Variants in TMPRSS4 observed in about 807,000 individuals in gnomAD.
TMPRSS4 encodes the protein transmembrane serine protease 4, also known as transmembrane protease serine 4.
Under a neutral mutation model 56.4 loss-of-function variants are expected in TMPRSS4, and 45 were observed. That is an observed-to-expected ratio of 0.80 (90% CI 0.63 to 1.02). The LOEUF (loss-of-function observed/expected upper bound fraction) is 1.02. Ranked by LOEUF, TMPRSS4 falls within the 50% of genes least tolerant of loss-of-function variation. The pLI is 0.00. For missense variants in TMPRSS4, 546 were observed against 556.7 expected (o/e 0.98, Z 0.19); for synonymous variants, 205 against 211.0 (o/e 0.97, Z 0.25).
Position 118,094,796 on chromosome 11 carries a change from A to G in TMPRSS4, c.4-20A>G. ...CCTGAGAGGCTCCCTGCCTCAACTC[A>G]CTGACTGTTTTTCCTTCAATTACAG... On this transcript the variant is annotated intron_variant, in intron 1 of 12. Coordinates refer to ENST00000437212, the MANE Select transcript of TMPRSS4 (RefSeq NM_019894.4). 6.2e-7 allele frequency: 1 copy of G among 1,608,550 alleles called. No individual in the cohort carries two copies. Among genetic ancestry groups the G allele is most frequent in the African/African-American group, 1.3e-5 (1 of 74,998 alleles).
At chr11:118,090,821 AACACAC>A (rs375243175) in intron 1 of TMPRSS4, among the ~76,000 whole-genome samples, 9 of 140,342 alleles carry the variant, frequency 6.4e-5, no homozygotes, top group Admixed American at 2.8e-4. Context: ...CACACACACA[AACACAC>A]ACACACACAC....
chr11:118,098,366 GA>G (rs1290869587), intron 2 of TMPRSS4, among the ~76,000 whole-genome samples: 3 of 152,218 alleles, frequency 2.0e-5, no homozygotes, highest in Non-Finnish European at 4.4e-5. Flanking sequence ...TACCTTTGAA[GA>G]TGTCTCTATT....
chr11:118,099,415 GGAGAAAAAAACAGA>G (rs1946602524), intron 3 of TMPRSS4, among the ~76,000 whole-genome samples: 1 of 146,294 alleles, frequency 6.8e-6, no homozygotes, highest in African/African-American at 2.5e-5. Flanking sequence ...AGGAATTTGA[GGAGAAAAAAACAGA>G]GAGAGAAAAA....
At chr11:118,099,796 C>A (rs1242679057) in intron 3 of TMPRSS4, among the ~76,000 whole-genome samples, 2 of 152,226 alleles carry the variant, frequency 1.3e-5, no homozygotes, top group East Asian at 3.9e-4. Flanking sequence ...AGGGAAGACC[C>A]CCCAGGCAGT....
rs1423463443 is a variant in TMPRSS4 at position 118,119,998 on chromosome 11, CT to C, written c.*2086del. 8.5e-5 allele frequency: 13 copies of C among 152,238 alleles called. No homozygotes were observed. Among genetic ancestry groups the C allele is most frequent in the African/African-American group, 3.1e-4 (13 of 41,450 alleles). 9.4% of individuals were successfully genotyped at this position (152,238 alleles called of 1,614,324 possible). ...GAAACTCAGTACCCATCAAACAACT[CT>C]CCATTTCCCCCTCCTCCCAATCTCT... On this transcript the variant is annotated 3_prime_UTR_variant, in exon 13 of 13. Coordinates refer to ENST00000437212, the MANE Select transcript of TMPRSS4 (RefSeq NM_019894.4).
Position 118,118,458 on chromosome 11 carries a change from T to C in TMPRSS4, c.*545T>C. ...AAAGAGCTGTGTAACATCTCTGGCATAGGCTAGCTGGAATGCTTGATAAGA... is the reference window on the plus strand; with the variant it reads ...AAAGAGCTGTGTAACATCTCTGGCACAGGCTAGCTGGAATGCTTGATAAGA... On this transcript the variant is annotated 3_prime_UTR_variant, in exon 13 of 13. Transcript: ENST00000437212. 1.5e-5 allele frequency: 15 copies of C among 986,518 alleles called. No homozygotes were observed. Among genetic ancestry groups the C allele is most frequent in the Non-Finnish European group, 1.8e-5 (15 of 830,744 alleles). 61.1% of individuals were successfully genotyped at this position (986,518 alleles called of 1,614,324 possible). A position where few individuals can be genotyped will look rare whatever the true frequency, so the allele number is the denominator to read the frequency against.
At chr11:118,098,513 T>C (rs1436689254) in intron 2 of TMPRSS4, among the ~76,000 whole-genome samples, 1 of 152,264 alleles carries the variant, frequency 6.6e-6, no homozygotes, top group African/African-American at 2.4e-5. Context: ...GATTCACAAG[T>C]ATTTATTAAG....
At chr11:118,108,633 A>T in intron 6 of TMPRSS4, 1 of 577,456 alleles carries the variant, frequency 1.7e-6, no homozygotes, top group Non-Finnish European at 3.1e-6. Context: ...CCCAGCACAC[A>T]GTAGGTACTC....
intron 8 of TMPRSS4, among the ~76,000 whole-genome samples, chr11:118,112,317 C>A (rs942564418): frequency 6.7e-6 from 1 of 149,712 alleles, no homozygotes; most frequent in African/African-American, 2.5e-5. Context: ...GCATAGGTTC[C>A]TTTCAGTCCA....
At chr11:118,115,384 A>C in intron 11 of TMPRSS4, 104 bp downstream of exon 11, 2 of 1,387,450 alleles carry the variant, frequency 1.4e-6, no homozygotes, top group Non-Finnish European at 2.0e-6. Context: ...CTTGCATATC[A>C]TGGGCACTCA....
chr11:118,112,478 C>T (rs899306203), intron 8 of TMPRSS4, among the ~76,000 whole-genome samples: 1 of 148,720 alleles, frequency 6.7e-6, no homozygotes, highest in Admixed American at 6.7e-5. Context: ...CTGCAACCTC[C>T]GCCTCCTGAG....
chr11:118,115,172 C>CCAGGT lies in TMPRSS4; in HGVS notation c.1047_1051dup (p.Ile351ArgfsTer22), dbSNP rs1055571402. ...CTGACATACTGCTGCAGGCGTCAGT[C>CCAGGT]CAGGTCATTGACAGCACACGGTGCA... On this transcript the variant is annotated frameshift_variant, in exon 11 of 13. Transcript: ENST00000437212. LOFTEE classifies it high-confidence loss of function. 1 of 1,612,216 alleles carries CCAGGT rather than the reference C, an allele frequency of 6.2e-7. No individual in the cohort carries two copies.
intron 1 of TMPRSS4, among the ~76,000 whole-genome samples, chr11:118,082,801 C>G (rs1414618067): frequency 6.6e-6 from 1 of 152,162 alleles, no homozygotes; most frequent in Non-Finnish European, 1.5e-5. Flanking sequence ...AGGCCTAGGA[C>G]TAATCCTATC....
intron 1 of TMPRSS4, among the ~76,000 whole-genome samples, chr11:118,091,880 A>G (rs1223233873): frequency 6.6e-6 from 1 of 152,116 alleles, no homozygotes; most frequent in African/African-American, 2.4e-5. Flanking sequence ...TTCAGCCTGG[A>G]AAGAGTCTGC....
In TMPRSS4 at chr11:118,117,892, C is replaced by T; in HGVS notation, c.1303-10C>T. On this transcript the variant is annotated splice_polypyrimidine_tract_variant and intron_variant, in intron 12 of 12. Transcript: ENST00000437212. Reference sequence around the variant, plus strand: ...TCTGACTTTCTCTTCATCGGTCTCTCTTATTCTAGGCTGAGCTGTAATGCT... The same window carrying T: ...TCTGACTTTCTCTTCATCGGTCTCTTTTATTCTAGGCTGAGCTGTAATGCT... 1 of 1,613,832 alleles carries T rather than the reference C, an allele frequency of 6.2e-7. No homozygotes were observed.
At chr11:118,077,935 C>T (rs1303905961) in intron 1 of TMPRSS4, among the ~76,000 whole-genome samples, 6 of 134,066 alleles carry the variant, frequency 4.5e-5, no homozygotes, top group African/African-American at 1.6e-4. Flanking sequence ...ATCGCTTGAA[C>T]TTGGGAGGCG....
intron 1 of TMPRSS4, among the ~76,000 whole-genome samples, chr11:118,084,847 G>A (rs1945421359): frequency 1.3e-5 from 2 of 152,150 alleles, no homozygotes; most frequent in South Asian, 4.1e-4. Context: ...ACTTGCTCAA[G>A]ACTTCATGGC....
In TMPRSS4 at chr11:118,114,862, A is replaced by G; in HGVS notation, c.944A>G (p.Asp315Gly). 1.2e-6 allele frequency: 2 copies of G among 1,609,274 alleles called. No individual in the cohort carries two copies. Among genetic ancestry groups the G allele is most frequent in the Non-Finnish European group, 8.5e-7 (1 of 1,178,060 alleles). The change falls in exon 10 of 13, where the codon GAT becomes GGT. Residue 315 changes from aspartate to glycine, a missense_variant. Asp to Gly is a moderately conservative substitution (Grantham distance 94). Transcript: ENST00000437212. ...TVRPICLPFF[D>G]EELTPATPLW... The stretch of plus-strand genomic sequence containing the variant: ...AGGCCCATCTGTCTGCCCTTCTTTG[A>G]TGAGGAGCTCACTCCAGCCACCCCA...
chr11:118,115,512 C>T (rs1028601535), intron 11 of TMPRSS4: 8 of 519,040 alleles, frequency 1.5e-5, no homozygotes, highest in African/African-American at 1.9e-5. Flanking sequence ...TCAAATGTCT[C>T]TTTCACATTC....
Sources: gnomAD v4.1 joint callset for allele counts (sites outside exome capture counted in the v4.1 genomes callset) on GRCh38, gnomAD v4.1.1 for gene constraint, MANE v1.5 for transcripts, NCBI Gene and HGNC (gene_info 2026-07-23, HGNC 2026-07-21) for gene names.